Variants in SLC12A3 observed in about 807,000 individuals in gnomAD.
SLC12A3 encodes solute carrier family 12 member 3, also known as Na-Cl cotransporter.
In SLC12A3, 104 loss-of-function variants were observed where a neutral mutation model predicts 121.0. The observed-to-expected ratio is 0.86, with a 90% CI of 0.73 to 1.01. The LOEUF is 1.01. Among genes scored for constraint, SLC12A3 ranks in the 50% least tolerant of loss-of-function variants. The probability of loss-of-function intolerance (pLI) is 0.00; values close to 1 mark genes in which losing one functional copy is unlikely to be tolerated. For missense variants in SLC12A3, 1,328 were observed against 1,356.3 expected, an observed-to-expected ratio of 0.98 and a Z score of 0.33; for synonymous variants, 536 against 533.4, an observed-to-expected ratio of 1.00 and a Z score of -0.07.
chr16:56,883,470 C>T (rs62035950), intron 13 of SLC12A3, among the ~76,000 whole-genome samples: 16,319 of 151,712 alleles, frequency 0.11, 980 homozygotes, highest in Middle Eastern at 0.17. Flanking sequence ...TTAGTAGAGA[C>T]GGGGTTTCAG....
chr16:56,892,542 C>T (rs2055402859), intron 20 of SLC12A3, among the ~76,000 whole-genome samples: 1 of 152,176 alleles, frequency 6.6e-6, no homozygotes, highest in South Asian at 2.1e-4. Flanking sequence ...GGGCCCTTGT[C>T]CCACCCCTGC....
At chr16:56,885,883 T>C (rs978195422) in intron 15 of SLC12A3, among the ~76,000 whole-genome samples, 1 of 152,176 alleles carries the variant, frequency 6.6e-6, no homozygotes. Context: ...CCAAGAACAC[T>C]GAGGCACAGA....
At chr16:56,870,362 T>C in intron 5 of SLC12A3, 127 bp downstream of exon 5, 1 of 1,045,568 alleles carries the variant, frequency 9.6e-7, no homozygotes, top group South Asian at 1.5e-5. Context: ...CACAGCCTGA[T>C]CACTGTGGGT....
rs762129942 is a variant in SLC12A3, at chr16:56,880,221, C to T, written c.1535C>T (p.Ala512Val). ...NKEPVRGYLL[A>V]YAIAVAFIII... ...GAGCCCGTGCGTGGCTACCTGCTGGCCTACGCCATCGCTGTGGCCTTCATC... is the reference window on the plus strand; with the variant it reads ...GAGCCCGTGCGTGGCTACCTGCTGGTCTACGCCATCGCTGTGGCCTTCATC... Residue 512 changes from alanine (A) to valine (V), a missense_variant, in exon 12 of 26, where the codon GCC becomes GTC. Coordinates refer to ENST00000563236, the MANE Select transcript of SLC12A3 (RefSeq NM_001126108.2). 4.4e-6 allele frequency: 7 copies of T among 1,587,176 alleles called. No individual in the cohort carries two copies. The South Asian group carries it at 8.0e-5, about 18-fold the overall frequency.
intron 4 of SLC12A3, 34 bp from the exon 5 acceptor site, chr16:56,870,062 T>C: frequency 1.9e-6 from 3 of 1,609,646 alleles, no homozygotes; most frequent in Non-Finnish European, 2.5e-6. Flanking sequence ...AACCGACTCA[T>C]CTGGTTTCAT....
intron 25 of SLC12A3, among the ~76,000 whole-genome samples, chr16:56,911,007 G>C (rs2055677334): frequency 6.6e-6 from 1 of 152,196 alleles, no homozygotes; most frequent in Admixed American, 6.5e-5. Flanking sequence ...AGGCTGTGTT[G>C]GGGGAGGGAA....
intron 19 of SLC12A3, among the ~76,000 whole-genome samples, chr16:56,890,744 C>T (rs1022397547): frequency 5.3e-5 from 8 of 151,878 alleles, no homozygotes; most frequent in Admixed American, 2.6e-4. Context: ...ACTAAAAATA[C>T]AAAAATTAGC....
At chr16:56,881,774 C>A (rs2055243166) in intron 12 of SLC12A3, among the ~76,000 whole-genome samples, 1 of 152,046 alleles carries the variant, frequency 6.6e-6, no homozygotes, top group Non-Finnish European at 1.5e-5. Flanking sequence ...TCTGGCCAGG[C>A]ACAATGGCTC....
rs1424832490 is a variant in SLC12A3 at position 56,887,953 on chromosome 16, A to G, written c.2207A>G (p.Asn736Ser). 2 of 1,613,130 alleles carry G rather than the reference A, an allele frequency of 1.2e-6. No individual in the cohort carries two copies. The highest frequency in any genetic ancestry group is 1.7e-6 in the Non-Finnish European group (2 of 1,179,652). ...QAAGLGRMKP[N>S]ILVVGFKKNW... ...GCAGGTCTCGGGAGAATGAAGCCCA[A>G]CATTCTGGTGGTTGGGTTCAAGAAG... is the stretch of plus-strand genomic sequence containing the variant. The change falls in exon 18 of 26, where the codon AAC becomes AGC. Residue 736 changes from asparagine to serine, a missense_variant. Transcript: ENST00000563236.
chr16:56,904,346 A>G (rs539653820), intron 24 of SLC12A3, 49 bp from the exon 25 acceptor site: 4 of 1,547,798 alleles, frequency 2.6e-6, no homozygotes, highest in African/African-American at 2.7e-5. Context: ...TGAAGGATTG[A>G]GTGACCTCGA....
chr16:56,871,419 T>C (rs1313869292), intron 6 of SLC12A3, among the ~76,000 whole-genome samples: 3 of 152,200 alleles, frequency 2.0e-5, no homozygotes, highest in African/African-American at 7.2e-5. Flanking sequence ...TGGGGAGGTG[T>C]GGCCTTCAAC....
intron 8 of SLC12A3, among the ~76,000 whole-genome samples, chr16:56,876,998 G>A (rs1222527978): frequency 6.6e-6 from 1 of 152,220 alleles, no homozygotes; most frequent in Non-Finnish European, 1.5e-5. Flanking sequence ...CACCAGCTGA[G>A]CAGGGGTGCC....
chr16:56,890,365 A>G lies in SLC12A3; in HGVS notation c.2368+9A>G, dbSNP rs761508052. ...GATGATGCAGGCGCACAGTGAGTAC[A>G]TGCCCCACCCACTCCCAGAAAGTTC... On this transcript the variant is annotated intron_variant, in intron 19 of 25. Transcript: ENST00000563236. 5.6e-6 allele frequency: 9 copies of G among 1,611,896 alleles called. No individual in the cohort carries two copies. Among genetic ancestry groups the G allele is most frequent in the Admixed American group, 1.7e-5 (1 of 59,992 alleles).
chr16:56,882,322 G>A, intron 12 of SLC12A3, 74 bp from the exon 13 acceptor site: 1 of 1,264,092 alleles, frequency 7.9e-7, no homozygotes, highest in Non-Finnish European at 1.2e-6. Context: ...CCCCACCCTG[G>A]GAAGGAGGGT....
In SLC12A3 at chr16:56,878,123, G is replaced by C; in HGVS notation, c.1142G>C (p.Trp381Ser). 6.4e-7 allele frequency: 1 copy of C among 1,562,032 alleles called. No individual in the cohort carries two copies. The highest frequency in any genetic ancestry group is 2.4e-5 in the East Asian group (1 of 41,742). ...AAGGGGACCCTCATGGCCATTTTCT[G>C]GACGACCATTTCCTACCTGGCCATC... ...IPKGTLMAIF[W>S]TTISYLAISA... The change falls in exon 9 of 26, where the codon TGG becomes TCG. Residue 381 changes from tryptophan to serine, a missense_variant. Physicochemically the swap from Trp to Ser is radical, Grantham distance 177. Transcript: ENST00000563236.
intron 22 of SLC12A3, among the ~76,000 whole-genome samples, chr16:56,899,101 A>T (rs1351899072): frequency 6.6e-6 from 1 of 152,222 alleles, no homozygotes; most frequent in Non-Finnish European, 1.5e-5. Context: ...TTTTGTGGGT[A>T]TTCGTTTCCT....
chr16:56,885,227 A>G (rs1362251903), intron 14 of SLC12A3, 38 bp from the exon 15 acceptor site: 6 of 1,225,948 alleles, frequency 4.9e-6, no homozygotes, highest in African/African-American at 3.0e-5. Flanking sequence ...GTGATTCCTA[A>G]CTCTGCTCTC....
intron 24 of SLC12A3, chr16:56,904,128 T>C (rs1266741556): frequency 2.4e-6 from 1 of 420,818 alleles, no homozygotes; most frequent in Non-Finnish European, 4.5e-6. Context: ...AGGTGTTCTC[T>C]CTTCCCTCTA....
chr16:56,882,321 G>T, intron 12 of SLC12A3, 75 bp from the exon 13 acceptor site: 1 of 1,251,824 alleles, frequency 8.0e-7, no homozygotes, highest in Non-Finnish European at 1.2e-6. Flanking sequence ...CCCCCACCCT[G>T]GGAAGGAGGG....
Sources: gnomAD v4.1 joint callset for allele counts (sites outside exome capture counted in the v4.1 genomes callset) on GRCh38, gnomAD v4.1.1 for gene constraint, MANE v1.5 for transcripts, NCBI Gene and HGNC (gene_info 2026-07-23, HGNC 2026-07-21) for gene names.